FAM120B: variants seen among roughly 807,000 people sequenced by gnomAD.
FAM120B encodes constitutive coactivator of peroxisome proliferator-activated receptor gamma.
Under a neutral mutation model 96.3 loss-of-function variants are expected in FAM120B, and 83 were observed. The observed-to-expected ratio is 0.86, with a 90% CI of 0.72 to 1.03. The LOEUF (loss-of-function observed/expected upper bound fraction) is 1.03. Among genes scored for constraint, FAM120B ranks in the 50% least tolerant of loss-of-function variants. The probability of loss-of-function intolerance (pLI) is 0.00; values close to 1 mark genes in which losing one functional copy is unlikely to be tolerated. For synonymous variants in FAM120B, 407 were observed against 402.7 expected, an observed-to-expected ratio of 1.01 and a Z score of -0.13; for missense variants, 1,027 against 1,121.2, an observed-to-expected ratio of 0.92 and a Z score of 1.20.
chr6:170,342,756 C>A (rs1011985990), intron 4 of FAM120B, among the ~76,000 whole-genome samples: 1 of 152,194 alleles, frequency 6.6e-6, no homozygotes, highest in Non-Finnish European at 1.5e-5. Flanking sequence ...GAAGCTGATG[C>A]GTTTTAGAAG....
In FAM120B at chr6:170,317,358, C is replaced by T; in HGVS notation, c.-21-12C>T. The stretch of plus-strand genomic sequence containing the variant: ...ATGCCATAATTACTGATTAATTTAT[C>T]TTTCTTTCCAGATCCTTTCCCGGAG... On this transcript the variant is annotated splice_polypyrimidine_tract_variant and intron_variant, in intron 1 of 10. Coordinates refer to ENST00000476287, the MANE Select transcript of FAM120B (RefSeq NM_032448.3). 1 of 1,582,896 alleles carries T rather than the reference C, an allele frequency of 6.3e-7. No homozygotes were observed.
chr6:170,305,758 T>C (rs1463677304), upstream of FAM120B, among the ~76,000 whole-genome samples: 1 of 152,210 alleles, frequency 6.6e-6, no homozygotes, highest in Non-Finnish European at 1.5e-5. Flanking sequence ...AATGTTTGCT[T>C]GGTTGTAGAG....
At chr6:170,327,298 G>A (rs973798152) in intron 3 of FAM120B, among the ~76,000 whole-genome samples, 17 of 151,348 alleles carry the variant, frequency 1.1e-4, no homozygotes, top group Non-Finnish European at 1.2e-4. Flanking sequence ...CGCCCACCTC[G>A]GCCTCCCAAA....
intron 4 of FAM120B, among the ~76,000 whole-genome samples, chr6:170,343,086 G>A (rs948226501): frequency 6.6e-6 from 1 of 152,136 alleles, no homozygotes. Flanking sequence ...TCACACCTGA[G>A]TTAGCCATTC....
intron 4 of FAM120B, among the ~76,000 whole-genome samples, chr6:170,339,778 CA>C (rs35932232): frequency 0.35 from 31,486 of 90,204 alleles, 3,471 homozygotes; most frequent in African/African-American, 0.42. Context: ...GACTCCATCT[CA>C]AAAAAAAAAA....
At chr6:170,378,481 T>G (rs964639434) in intron 6 of FAM120B, among the ~76,000 whole-genome samples, 1 of 152,208 alleles carries the variant, frequency 6.6e-6, no homozygotes, top group South Asian at 2.1e-4. Context: ...TCTTGTCAGT[T>G]CATTCCGTTT....
chr6:170,388,558 A>G (rs1009975766), intron 7 of FAM120B, 65 bp downstream of exon 7: 1 of 1,378,420 alleles, frequency 7.3e-7, no homozygotes, highest in East Asian at 2.3e-5. Flanking sequence ...CACAAAAAAC[A>G]TGAAGTCGGC....
chr6:170,346,911 G>A (rs533734132), intron 4 of FAM120B, among the ~76,000 whole-genome samples: 3 of 152,234 alleles, frequency 2.0e-5, no homozygotes, highest in East Asian at 1.9e-4. Context: ...AAGTACTACT[G>A]CCATAGGGTT....
rs1785110362 is a variant in FAM120B, at chr6:170,318,894, C to A, written c.1504C>A (p.His502Asn). 6.2e-7 allele frequency: 1 copy of A among 1,614,068 alleles called. No individual in the cohort carries two copies. The highest frequency in any genetic ancestry group is 8.5e-7 in the Non-Finnish European group (1 of 1,180,032). ...ESRQEIMCTG[H>N]ESKQEVPICT... ...TAGGCAAGAAATTATGTGTACAGGC[C>A]ATGAATCCAAACAGGAAGTTCCCAT... Residue 502 changes from histidine to asparagine, a missense_variant, in exon 2 of 11, where the codon CAT becomes AAT. Transcript: ENST00000476287.
chr6:170,343,564 T>C (rs1292672372), intron 4 of FAM120B, among the ~76,000 whole-genome samples: 1 of 152,126 alleles, frequency 6.6e-6, no homozygotes, highest in Non-Finnish European at 1.5e-5. Context: ...TATTATATCA[T>C]TAGAACTCCT....
chr6:170,318,322 C>T lies in FAM120B; in HGVS notation c.932C>T (p.Ser311Phe), dbSNP rs781768059. ...TCATATCTTTTACCAGGACAAAAAT[C>T]TCCATGGTTTTTCCAAAAACCCAAA... ...MASYLLPGQKSPWFFQKPKGV... is the reference protein window; with the variant it reads ...MASYLLPGQKFPWFFQKPKGV... Residue 311 changes from serine to phenylalanine, a missense_variant, in exon 2 of 11, where the codon TCT (serine) becomes TTT (phenylalanine). By Grantham distance (155) the Ser-to-Phe change is radical. This residue lies in a region of FAM120B where 880 missense variants were observed against 980.9 expected (regional missense o/e 0.90). Coordinates refer to ENST00000476287, the MANE Select transcript of FAM120B (RefSeq NM_032448.3). The T allele has an allele frequency of 6.2e-7, 1 of 1,614,164 alleles. No individual in the cohort carries two copies. Among genetic ancestry groups the T allele is most frequent in the Non-Finnish European group, 8.5e-7 (1 of 1,180,022 alleles).
intron 6 of FAM120B, among the ~76,000 whole-genome samples, chr6:170,378,840 A>T (rs797006167): frequency 2.0e-5 from 3 of 152,362 alleles, no homozygotes; most frequent in African/African-American, 4.8e-5. Context: ...GGCCACATTA[A>T]AAAGGGGCTA....
At position 170,406,385 on chromosome 6, in the gene FAM120B, G is replaced by A. The variant is rs1054095992; in HGVS notation, c.*1634G>A. On this transcript the variant is annotated 3_prime_UTR_variant, in exon 11 of 11. Coordinates refer to ENST00000476287, the MANE Select transcript of FAM120B (RefSeq NM_032448.3). ...CTCTTTAAAAACAAAATAAGCCCCT[G>A]AACGTGCTTGCAGGCCAGTTTGTGT... is the stretch of plus-strand genomic sequence containing the variant. 6 of 152,148 alleles carry A rather than the reference G, an allele frequency of 3.9e-5. No homozygotes were observed. The highest frequency in any genetic ancestry group is 3.9e-4 in the Admixed American group (6 of 15,280). The allele number at this position is 152,148 out of a possible 1,614,324, so 9.4% of individuals were successfully genotyped here.
intron 7 of FAM120B, 144 bp from the exon 8 acceptor site, chr6:170,390,869 C>T (rs1164496526): frequency 7.3e-6 from 5 of 687,284 alleles, no homozygotes; most frequent in Non-Finnish European, 1.3e-5. Flanking sequence ...CGGTTCATGT[C>T]TGGGAGGAGG....
At position 170,295,873 on chromosome 6, in the gene FAM120B, C is replaced by T. The variant is rs1040055704; in HGVS notation, c.48+420C>T. Among the ~76,000 whole-genome samples, 1 of 152,198 alleles carries T rather than the reference C, an allele frequency of 6.6e-6. No individual in the cohort carries two copies. The highest frequency in any genetic ancestry group is 2.1e-4 in the South Asian group (1 of 4,818). ...CGTGGAGCCCGGGGCCGAGGCCAGG[C>T]CCGCTGCGAGCAGCGGAGGCATGTG... is the stretch of plus-strand genomic sequence containing the variant. On this transcript the variant is annotated intron_variant, in intron 1 of 10. Transcript: ENST00000537664. This position sits in a 1 kb window ranked among gnomAD's most constrained non-coding sequence, Gnocchi z 7.8.
At chr6:170,337,669 T>C (rs1452645796) in intron 4 of FAM120B, among the ~76,000 whole-genome samples, 1 of 152,194 alleles carries the variant, frequency 6.6e-6, no homozygotes, top group Non-Finnish European at 1.5e-5. Flanking sequence ...CTGGGCTTTT[T>C]TTTGGTTGCT....
chr6:170,328,610 TC>T (rs145434302), intron 3 of FAM120B, among the ~76,000 whole-genome samples: 4,463 of 152,270 alleles, frequency 0.029, 167 homozygotes, highest in East Asian at 0.11. Context: ...TAAGGTTCAC[TC>T]CTGCCCCCTT....
intron 4 of FAM120B, among the ~76,000 whole-genome samples, chr6:170,342,200 GC>G (rs1786886640): frequency 6.6e-6 from 1 of 151,846 alleles, no homozygotes; most frequent in Admixed American, 6.6e-5. Flanking sequence ...TTTCCTTTTG[GC>G]CAGGAATGAT....
At chr6:170,394,167 G>A (rs928869729) in intron 8 of FAM120B, among the ~76,000 whole-genome samples, 2 of 152,232 alleles carry the variant, frequency 1.3e-5, no homozygotes, top group African/African-American at 4.8e-5. Context: ...CGGCAGGAAG[G>A]TGGGTCTTGG....
Sources: gnomAD v4.1 joint callset for allele counts (sites outside exome capture counted in the v4.1 genomes callset) on GRCh38, gnomAD v4.1.1 for gene constraint, gnomAD v4.1.1 regional missense constraint, Gnocchi (gnomAD v3.1) non-coding constraint, MANE v1.5 for transcripts, NCBI Gene and HGNC (gene_info 2026-07-23, HGNC 2026-07-21) for gene names.